The following SLC25A26 variants were observed in gnomAD, a reference collection of about 807,000 sequenced individuals.
SLC25A26 encodes mitochondrial S-adenosylmethionine carrier protein.
Under a neutral mutation model 37.8 loss-of-function variants are expected in SLC25A26, and 36 were observed. The ratio of observed to expected loss-of-function variants is 0.95; its 90% CI spans 0.73 to 1.26. The LOEUF is 1.26. Ranked by LOEUF, SLC25A26 falls within the 50% of genes most tolerant of loss-of-function variation. The pLI, the probability that SLC25A26 is intolerant of heterozygous loss-of-function variation, is 0.00. For synonymous variants in SLC25A26, 129 were observed against 122.5 expected, an observed-to-expected ratio of 1.05 and a Z score of -0.35; for missense variants, 390 against 331.1, an observed-to-expected ratio of 1.18 and a Z score of -1.38.
intron 7 of SLC25A26, 72 bp from the exon 8 acceptor site, chr3:66,369,406 C>T (rs888457942): frequency 9.0e-6 from 12 of 1,326,112 alleles, no homozygotes; most frequent in Admixed American, 5.9e-5. Flanking sequence ...TGGGCAGAGT[C>T]AGGAATTCTA....
intron 1 of SLC25A26, among the ~76,000 whole-genome samples, chr3:66,213,890 G>A (rs1205156126): frequency 5.3e-5 from 8 of 151,786 alleles, no homozygotes; most frequent in South Asian, 2.1e-4. Flanking sequence ...AGGTCTTAAC[G>A]CTGCACTCCA....
At chr3:66,246,111 T>G (rs1217129504) in intron 3 of SLC25A26, among the ~76,000 whole-genome samples, 1 of 152,234 alleles carries the variant, frequency 6.6e-6, no homozygotes, top group African/African-American at 2.4e-5. Context: ...GTGTAGTGTT[T>G]TCCAGGTTCA....
In SLC25A26 at chr3:66,240,579, T is replaced by C. The variant is rs550303365; in HGVS notation, c.191-2624T>C. Among the ~76,000 whole-genome samples the C allele has an allele frequency of 2.0e-5, 3 of 152,088 alleles. No individual in the cohort carries two copies. The East Asian group carries it at 5.9e-4, about 30-fold the overall frequency. ...GATGTGGGCCACTGTGCCTGGCCCA[T>C]CTTTACATTTGTTTACATTTCTCTT... On this transcript the variant is annotated intron_variant, in intron 2 of 9. Coordinates refer to ENST00000354883, the MANE Select transcript of SLC25A26 (RefSeq NM_001379210.1).
intron 6 of SLC25A26, among the ~76,000 whole-genome samples, chr3:66,355,406 C>T (rs2076552737): frequency 1.3e-5 from 2 of 152,092 alleles, no homozygotes; most frequent in African/African-American, 4.8e-5. Flanking sequence ...GTCTAGCTGC[C>T]TTTATAACCC....
chr3:66,136,136 C>T (rs1271356153), intron 1 of SLC25A26, among the ~76,000 whole-genome samples: 2 of 152,188 alleles, frequency 1.3e-5, no homozygotes, highest in African/African-American at 4.8e-5. Context: ...TGATTTTCCT[C>T]TCTTATTGTG....
chr3:66,215,165 G>A (rs1370338420), intron 1 of SLC25A26, among the ~76,000 whole-genome samples: 6 of 151,966 alleles, frequency 3.9e-5, no homozygotes, highest in South Asian at 2.1e-4. Context: ...AATGTAAAAT[G>A]TTTACCTTTT....
At chr3:66,354,233 C>G (rs371821891) in intron 6 of SLC25A26, among the ~76,000 whole-genome samples, 11 of 151,596 alleles carry the variant, frequency 7.3e-5, no homozygotes, top group African/African-American at 2.4e-4. Flanking sequence ...AGAATACTGT[C>G]AGGTCCGAGT....
At chr3:66,215,214 T>G (rs1200141811) in intron 1 of SLC25A26, among the ~76,000 whole-genome samples, 1 of 152,222 alleles carries the variant, frequency 6.6e-6, no homozygotes, top group African/African-American at 2.4e-5. Flanking sequence ...TTTATTTTTA[T>G]TTTTTGAGAC....
At chr3:66,263,719 C>T (rs981440025) in intron 5 of SLC25A26, among the ~76,000 whole-genome samples, 8 of 152,026 alleles carry the variant, frequency 5.3e-5, no homozygotes, top group South Asian at 2.1e-4. Flanking sequence ...CGTGCAGTGG[C>T]GCGATCTCGG....
chr3:66,226,328 C>T (rs1021589726), intron 1 of SLC25A26, among the ~76,000 whole-genome samples: 3 of 152,162 alleles, frequency 2.0e-5, no homozygotes, highest in African/African-American at 7.2e-5. Flanking sequence ...GACTTATTCA[C>T]TATCACCAGA....
At chr3:66,311,360 C>G (rs905396310) in intron 5 of SLC25A26, among the ~76,000 whole-genome samples, 1 of 152,092 alleles carries the variant, frequency 6.6e-6, no homozygotes, top group Non-Finnish European at 1.5e-5. Flanking sequence ...ATGTTCGTGT[C>G]TAAACTGGTT....
intron 1 of SLC25A26, among the ~76,000 whole-genome samples, chr3:66,233,588 A>G (rs2072133426): frequency 6.6e-6 from 1 of 152,228 alleles, no homozygotes. Flanking sequence ...ATTACATACA[A>G]AACAATATTG....
intron 5 of SLC25A26, among the ~76,000 whole-genome samples, chr3:66,340,218 T>G (rs1231441297): frequency 6.6e-6 from 1 of 152,100 alleles, no homozygotes; most frequent in Non-Finnish European, 1.5e-5. Context: ...ATGTCTGTCT[T>G]GATGCCACTA....
At chr3:66,272,851 G>C (rs1020417812) in intron 5 of SLC25A26, among the ~76,000 whole-genome samples, 9 of 152,160 alleles carry the variant, frequency 5.9e-5, no homozygotes, top group African/African-American at 2.2e-4. Context: ...TGGTGAGAGA[G>C]GGCATCGCTG....
chr3:66,352,615 C>T (rs948058773), intron 6 of SLC25A26, among the ~76,000 whole-genome samples: 31 of 151,690 alleles, frequency 2.0e-4, no homozygotes, highest in African/African-American at 7.0e-4. Flanking sequence ...TTAAGGTGTG[C>T]AGCATGATGT....
At chr3:66,344,493 A>G (rs2076276780) in intron 5 of SLC25A26, among the ~76,000 whole-genome samples, 3 of 152,178 alleles carry the variant, frequency 2.0e-5, no homozygotes, top group Admixed American at 2.0e-4. Flanking sequence ...AATGCCCTCA[A>G]TTCACGTGAA....
intron 1 of SLC25A26, 130 bp from the exon 2 acceptor site, chr3:66,236,413 GA>G: frequency 1.8e-6 from 1 of 565,700 alleles, no homozygotes; most frequent in South Asian, 6.1e-5. Context: ...TTGTGCCGCA[GA>G]AGTTGTGGAC....
intron 5 of SLC25A26, among the ~76,000 whole-genome samples, chr3:66,279,171 A>G (rs1039150062): frequency 6.6e-6 from 1 of 152,114 alleles, no homozygotes; most frequent in Non-Finnish European, 1.5e-5. Flanking sequence ...CATTATTTGC[A>G]TTATTTTTAG....
chr3:66,203,944 T>C lies in SLC25A26; in HGVS notation c.-353-16798T>C, dbSNP rs1029890371. On this transcript the variant is annotated intron_variant, in intron 1 of 10. Transcript: ENST00000676754. ...ATCTTTGTATTCCCTATTCCAAATT[T>C]AGCCCCGATACACAGTAGGCACTCA... Among the ~76,000 whole-genome samples, 7 of 152,318 alleles carry C rather than the reference T, an allele frequency of 4.6e-5. No homozygotes were observed. The South Asian group carries it at 1.4e-3, about 32-fold the overall frequency.
Sources: gnomAD v4.1 joint callset for allele counts (sites outside exome capture counted in the v4.1 genomes callset) on GRCh38, gnomAD v4.1.1 for gene constraint, MANE v1.5 for transcripts, NCBI Gene and HGNC (gene_info 2026-07-23, HGNC 2026-07-21) for gene names.